The following PALM2AKAP2 variants were observed in gnomAD, a reference collection of about 807,000 sequenced individuals.
The protein encoded by PALM2AKAP2 is PALM2-AKAP2 fusion protein.
Under a neutral mutation model 71.5 loss-of-function variants are expected in PALM2AKAP2, and 37 were observed. That is an observed-to-expected ratio of 0.52 (90% CI 0.40 to 0.68). The LOEUF is 0.68. Ranked by LOEUF, PALM2AKAP2 falls within the 30% of genes least tolerant of loss-of-function variation. PALM2AKAP2 has a pLI of 0.00. For missense variants in PALM2AKAP2, 1,224 were observed against 1,191.8 expected, an observed-to-expected ratio of 1.03 and a Z score of -0.40; for synonymous variants, 468 against 478.8, an observed-to-expected ratio of 0.98 and a Z score of 0.29.
chr9:109,795,448 G>A (rs1213073768), intron 1 of PALM2AKAP2, among the ~76,000 whole-genome samples: 2 of 152,170 alleles, frequency 1.3e-5, no homozygotes, highest in Non-Finnish European at 2.9e-5. Context: ...TGCACGTTGT[G>A]CACGTGTACC....
chr9:109,707,413 A>G (rs74427061), intron 1 of PALM2AKAP2, among the ~76,000 whole-genome samples: 6,390 of 152,146 alleles, frequency 0.042, 185 homozygotes, highest in Non-Finnish European at 0.053. Context: ...AAATACAAAG[A>G]TACACTTCAG....
At chr9:110,103,229 G>C (rs890244260) in intron 1 of PALM2AKAP2, among the ~76,000 whole-genome samples, 4 of 152,162 alleles carry the variant, frequency 2.6e-5, no homozygotes, top group South Asian at 2.1e-4. Context: ...TAAATTTTGA[G>C]AGGGCAGCTC....
rs1271275420 is a variant in PALM2AKAP2, at chr9:109,641,000, G to C, written c.5+134G>C. ...AATTTCAGCCCCGTGTGTACGCCTG[G>C]TGTTTCTATAGCAGCCGCCGCGGCG... is the stretch of plus-strand genomic sequence containing the variant. On this transcript the variant is annotated intron_variant, in intron 1 of 6. Coordinates refer to the PALM2AKAP2 transcript ENST00000374531. 3.8e-6 allele frequency: 5 copies of C among 1,310,668 alleles called. No individual in the cohort carries two copies. The African/African-American group carries it at 7.8e-5, about 20-fold the overall frequency. The allele number at this position is 1,310,668 out of a possible 1,614,324, so 81.2% of individuals were successfully genotyped here.
chr9:109,960,796 AGAG>A (rs1165964716), intron 6 of PALM2AKAP2, among the ~76,000 whole-genome samples: 1 of 152,198 alleles, frequency 6.6e-6, no homozygotes, highest in Non-Finnish European at 1.5e-5. Context: ...TTACCAGGCC[AGAG>A]GAGAGGCTGA....
intron 6 of PALM2AKAP2, among the ~76,000 whole-genome samples, chr9:110,009,581 G>A (rs768715290): frequency 2.0e-5 from 3 of 151,958 alleles, no homozygotes; most frequent in Admixed American, 6.6e-5. Context: ...GGGCGTGGTA[G>A]CGGGCGCCTG....
At chr9:109,982,950 G>A (rs920297259) in intron 6 of PALM2AKAP2, among the ~76,000 whole-genome samples, 2 of 152,186 alleles carry the variant, frequency 1.3e-5, no homozygotes, top group African/African-American at 4.8e-5. Flanking sequence ...ACAAGAAAGA[G>A]CCAGCCAGCT....
chr9:109,870,808 T>G (rs956156955), intron 2 of PALM2AKAP2, among the ~76,000 whole-genome samples: 2 of 152,200 alleles, frequency 1.3e-5, no homozygotes, highest in African/African-American at 4.8e-5. Context: ...TCCAGAAAAT[T>G]TAGATCATGT....
intron 3 of PALM2AKAP2, among the ~76,000 whole-genome samples, chr9:109,910,187 G>A (rs1304166056): frequency 6.6e-6 from 1 of 152,216 alleles, no homozygotes; most frequent in Non-Finnish European, 1.5e-5. Context: ...TCAAGCCAGA[G>A]GTGAAGACAA....
intron 1 of PALM2AKAP2, among the ~76,000 whole-genome samples, chr9:109,755,651 C>T (rs1355978031): frequency 6.6e-6 from 1 of 151,988 alleles, no homozygotes; most frequent in Admixed American, 6.6e-5. Context: ...CCTTGTCTCT[C>T]AAAACAAAAA....
intron 1 of PALM2AKAP2, among the ~76,000 whole-genome samples, chr9:109,768,925 G>A (rs1829209266): frequency 6.6e-6 from 1 of 152,094 alleles, no homozygotes; most frequent in Non-Finnish European, 1.5e-5. Flanking sequence ...TTTGAGACCA[G>A]CCTGGGCAAC....
chr9:109,754,539 C>T (rs1210445451), intron 1 of PALM2AKAP2, among the ~76,000 whole-genome samples: 1 of 152,140 alleles, frequency 6.6e-6, no homozygotes. Context: ...TGACTTCCTC[C>T]TTCCCATCTG....
chr9:109,832,903 A>G lies in PALM2AKAP2; in HGVS notation c.46-34588A>G, dbSNP rs150296507. ...ACTTCGGGCACTAACTCGTGTGCCAATGGTTGCACTTGGACATATACTACT... is the reference window on the plus strand; with the variant it reads ...ACTTCGGGCACTAACTCGTGTGCCAGTGGTTGCACTTGGACATATACTACT... On this transcript the variant is annotated intron_variant, in intron 1 of 9. Coordinates refer to the PALM2AKAP2 transcript ENST00000302798. 4.4e-4 allele frequency among the ~76,000 whole-genome samples: 67 copies of G among 152,272 alleles called. 1 individual carries two copies. The East Asian group carries it at 0.011, about 25-fold the overall frequency.
At chr9:110,055,980 G>A (rs950162291) in intron 1 of PALM2AKAP2, among the ~76,000 whole-genome samples, 1 of 152,192 alleles carries the variant, frequency 6.6e-6, no homozygotes, top group East Asian at 1.9e-4. Flanking sequence ...AACCTGTGGG[G>A]CTAGGACTGA....
At chr9:110,154,660 T>C (rs907287709) in intron 2 of PALM2AKAP2, among the ~76,000 whole-genome samples, 1 of 152,214 alleles carries the variant, frequency 6.6e-6, no homozygotes, top group African/African-American at 2.4e-5. Flanking sequence ...GTACTGTTAA[T>C]ATCAAAAGAC....
intron 1 of PALM2AKAP2, among the ~76,000 whole-genome samples, chr9:109,661,360 C>A (rs951063369): frequency 1.2e-4 from 18 of 152,288 alleles, no homozygotes; most frequent in Middle Eastern, 3.4e-3. Flanking sequence ...AGGAAGGGAT[C>A]CAGTTTCAGC....
intron 1 of PALM2AKAP2, among the ~76,000 whole-genome samples, chr9:110,066,169 C>T (rs1476978459): frequency 1.3e-5 from 2 of 152,106 alleles, no homozygotes; most frequent in Non-Finnish European, 2.9e-5. Flanking sequence ...ATCCTATGAG[C>T]GTAGGTGTAG....
At chr9:109,730,479 C>G (rs1268365725) in intron 1 of PALM2AKAP2, among the ~76,000 whole-genome samples, 1 of 152,162 alleles carries the variant, frequency 6.6e-6, no homozygotes. Flanking sequence ...TTGCCTGAGG[C>G]TGCATCACTG....
chr9:109,918,522 G>T (rs925784396), intron 3 of PALM2AKAP2, among the ~76,000 whole-genome samples: 4 of 152,218 alleles, frequency 2.6e-5, no homozygotes, highest in Admixed American at 2.6e-4. Flanking sequence ...TTAACCTTGC[G>T]TGTAAATTAC....
intron 6 of PALM2AKAP2, among the ~76,000 whole-genome samples, chr9:109,940,322 G>A (rs1289024602): frequency 6.6e-6 from 1 of 152,142 alleles, no homozygotes; most frequent in Non-Finnish European, 1.5e-5. Context: ...TTTAGAAAAA[G>A]TATTGAGAAA....
Sources: gnomAD v4.1 joint callset for allele counts (sites outside exome capture counted in the v4.1 genomes callset) on GRCh38, gnomAD v4.1.1 for gene constraint, MANE v1.5 for transcripts, NCBI Gene and HGNC (gene_info 2026-07-23, HGNC 2026-07-21) for gene names.